The following CASK variants were observed in gnomAD, a reference collection of about 807,000 sequenced individuals.
CASK encodes peripheral plasma membrane protein CASK.
CASK carries 4 observed loss-of-function variants against 82.9 expected under a neutral mutation model. The observed-to-expected ratio is 0.05, with a 90% CI of 0.02 to 0.11. CASK has a LOEUF of 0.11. Ranked by LOEUF, CASK falls within the 10% of genes least tolerant of loss-of-function variation. CASK has a pLI of 1.00. For missense variants in CASK, 358 were observed against 720.9 expected, an observed-to-expected ratio of 0.50 and a Z score of 5.76; for synonymous variants, 259 against 253.5, an observed-to-expected ratio of 1.02 and a Z score of -0.20.
intron 2 of CASK, among the ~76,000 whole-genome samples, chrX:41,837,655 T>C (rs2070953035): frequency 8.9e-6 from 1 of 112,513 alleles, no homozygotes; most frequent in African/African-American, 3.2e-5. Context: ...TCCAAGTAGT[T>C]GCATGCATCA....
chrX:41,913,008 GC>G (rs1279643639), intron 1 of CASK, among the ~76,000 whole-genome samples: 1 of 109,167 alleles, frequency 9.2e-6, no homozygotes, highest in Non-Finnish European at 1.9e-5. Context: ...AATCATTCAA[GC>G]CTCACCTCCT....
intron 3 of CASK, among the ~76,000 whole-genome samples, chrX:41,749,037 C>T (rs779044167): frequency 2.2e-3 from 240 of 111,568 alleles, no homozygotes; most frequent in African/African-American, 7.3e-3. Context: ...GTAATCTCAG[C>T]GCTTTGGGAG....
At chrX:41,575,388 G>A (rs1218319311) in intron 15 of CASK, among the ~76,000 whole-genome samples, 2 of 111,648 alleles carry the variant, frequency 1.8e-5, no homozygotes, top group African/African-American at 3.3e-5. Flanking sequence ...CTTGGGTTAG[G>A]TGCCTACTCC....
intron 6 of CASK, among the ~76,000 whole-genome samples, chrX:41,669,562 C>T (rs778916241): frequency 3.0e-4 from 34 of 111,748 alleles, no homozygotes; most frequent in Non-Finnish European, 5.3e-4. Flanking sequence ...GTTATAATTA[C>T]GTAGTCTTAA....
chrX:41,627,476 G>C lies in CASK; in HGVS notation c.916-773C>G, dbSNP rs748097249. ...GGTTACATGGATAAATGGTACAGTA[G>C]TGAAGTGTGGGCTTTTAGTGAATCT... On this transcript the variant is annotated intron_variant, in intron 9 of 26. Transcript: ENST00000378163. Among the ~76,000 whole-genome samples the C allele has an allele frequency of 2.7e-5, 3 of 111,747 alleles. No homozygotes were observed. The Admixed American group carries it at 2.9e-4, about 11-fold the overall frequency.
At chrX:41,740,470 TAA>T (rs569748329) in intron 4 of CASK, among the ~76,000 whole-genome samples, 15 of 94,078 alleles carry the variant, frequency 1.6e-4, no homozygotes, top group Non-Finnish European at 1.7e-4. Flanking sequence ...GACTCAGGAC[TAA>T]AAAAAAAAAA....
At position 41,659,916 on chromosome X, in the gene CASK, A is replaced by G. The variant is rs188644158; in HGVS notation, c.831+523T>C. 2.4e-3 allele frequency among the ~76,000 whole-genome samples: 256 copies of G among 107,839 alleles called. 2 individuals carry two copies. The highest frequency in any genetic ancestry group is 8.3e-3 in the African/African-American group (245 of 29,543). 93.6% of individuals were successfully genotyped at this position (107,839 alleles called of 115,157 possible). A position where few individuals can be genotyped will look rare whatever the true frequency, so the allele number is the denominator to read the frequency against. Reference sequence around the variant, plus strand: ...TGGGGAGGTTAAAGTGGGAGGATCGATTGAGCCCAGGAGCAGAGGTTGCAG... The same window carrying G: ...TGGGGAGGTTAAAGTGGGAGGATCGGTTGAGCCCAGGAGCAGAGGTTGCAG... On this transcript the variant is annotated intron_variant, in intron 8 of 26. Transcript: ENST00000378163.
At chrX:41,745,102 C>T (rs999041168) in intron 4 of CASK, among the ~76,000 whole-genome samples, 1 of 112,141 alleles carries the variant, frequency 8.9e-6, no homozygotes, top group Non-Finnish European at 1.9e-5. Flanking sequence ...ACTGCAACCT[C>T]CACCTCCTGG....
intron 15 of CASK, among the ~76,000 whole-genome samples, chrX:41,575,548 TTA>T (rs1416136213): frequency 1.8e-5 from 2 of 110,554 alleles, no homozygotes; most frequent in Non-Finnish European, 3.8e-5. Flanking sequence ...AAAAAAAAAA[TTA>T]TGAGTATGAT....
At chrX:41,798,761 G>A (rs1024644314) in intron 2 of CASK, among the ~76,000 whole-genome samples, 1 of 112,308 alleles carries the variant, frequency 8.9e-6, no homozygotes, top group Non-Finnish European at 1.9e-5. Flanking sequence ...CTTGAACCTG[G>A]GAGGCAGAGG....
At chrX:41,914,259 C>T (rs996771120) in intron 1 of CASK, among the ~76,000 whole-genome samples, 1 of 111,642 alleles carries the variant, frequency 9.0e-6, no homozygotes, top group African/African-American at 3.3e-5. Context: ...CACATTCTTA[C>T]CTGCAAATGA....
At chrX:41,594,127 G>A (rs772245444) in intron 12 of CASK, among the ~76,000 whole-genome samples, 3 of 112,052 alleles carry the variant, frequency 2.7e-5, no homozygotes, top group Non-Finnish European at 3.8e-5. Context: ...CTAAGGCCAA[G>A]AGGAAGTAAA....
At chrX:41,578,552 T>G (rs1227478481) in intron 14 of CASK, 24 bp from the exon 15 acceptor site, 2 of 1,053,834 alleles carry the variant, frequency 1.9e-6, no homozygotes, top group Admixed American at 4.4e-5. Flanking sequence ...AAGAAAAAAA[T>G]TATTAATAAC....
At chrX:41,707,939 GA>G (rs1288226018) in intron 5 of CASK, among the ~76,000 whole-genome samples, 2 of 110,999 alleles carry the variant, frequency 1.8e-5, no homozygotes, top group African/African-American at 6.6e-5. Flanking sequence ...CCAATATGGT[GA>G]AATCCTGTCT....
intron 3 of CASK, among the ~76,000 whole-genome samples, chrX:41,761,350 T>A (rs923983129): frequency 2.7e-5 from 3 of 111,535 alleles, no homozygotes; most frequent in African/African-American, 9.8e-5. Flanking sequence ...CCAGCCCTGA[T>A]ATGGCCTTGC....
At chrX:41,874,705 G>A (rs1315677465) in intron 1 of CASK, among the ~76,000 whole-genome samples, 1 of 112,304 alleles carries the variant, frequency 8.9e-6, no homozygotes, top group East Asian at 2.8e-4. Context: ...CACCAGCTAA[G>A]GAAATTGCAT....
chrX:41,708,116 CA>C (rs774468294), intron 5 of CASK, among the ~76,000 whole-genome samples: 951 of 31,681 alleles, frequency 0.03, 8 homozygotes, highest in African/African-American at 0.086. Context: ...GACTCCATCT[CA>C]AAAAAAAAAA....
At chrX:41,803,942 A>G (rs2070057683) in intron 2 of CASK, among the ~76,000 whole-genome samples, 1 of 112,162 alleles carries the variant, frequency 8.9e-6, no homozygotes, top group Non-Finnish European at 1.9e-5. Flanking sequence ...TGTTAGAAGT[A>G]GCATGATTTG....
intron 5 of CASK, among the ~76,000 whole-genome samples, chrX:41,680,209 C>T (rs561616820): frequency 6.6e-5 from 7 of 105,742 alleles, no homozygotes; most frequent in South Asian, 4.2e-4. Context: ...ATTGGCTGGA[C>T]GCAGCGACTC....
Sources: allele counts gnomAD v4.1 joint callset (sites outside exome capture counted in the v4.1 genomes callset), GRCh38; gene constraint gnomAD v4.1.1; transcripts MANE v1.5; gene names NCBI Gene and HGNC (gene_info 2026-07-23, HGNC 2026-07-21).